Variants in GALNTL6 observed in about 807,000 individuals in gnomAD.
GALNTL6 encodes polypeptide N-acetylgalactosaminyltransferase-like 6.
A neutral mutation model predicts 73.7 loss-of-function variants in GALNTL6; 46 were observed. The ratio of observed to expected loss-of-function variants is 0.62; its 90% CI spans 0.49 to 0.80. The LOEUF is 0.80. GALNTL6 is among the 30% of genes least tolerant of loss of function. The pLI, the probability that GALNTL6 is intolerant of heterozygous loss-of-function variation, is 0.00. For synonymous variants in GALNTL6, 259 were observed against 263.7 expected, an observed-to-expected ratio of 0.98 and a Z score of 0.17; for missense variants, 604 against 755.0, an observed-to-expected ratio of 0.80 and a Z score of 2.34.
intron 2 of GALNTL6, among the ~76,000 whole-genome samples, chr4:172,177,791 A>ATATATATACACACACATATATGTGTG (rs1735075961): frequency 2.0e-5 from 2 of 101,738 alleles, no homozygotes; most frequent in Non-Finnish European, 4.2e-5. Context: ...ACACATGTGT[A>ATATATATACACACACATATATGTGTG]TATATATACA....
chr4:172,199,716 AATAG>A (rs1222714894), intron 2 of GALNTL6, among the ~76,000 whole-genome samples: 9 of 152,058 alleles, frequency 5.9e-5, no homozygotes, highest in Non-Finnish European at 1.0e-4. Context: ...ACTCCTGGTA[AATAG>A]ATCATATTTA....
At chr4:172,321,083 T>G in intron 4 of GALNTL6, among the ~76,000 whole-genome samples, 1 of 152,216 alleles carries the variant, frequency 6.6e-6, no homozygotes, top group East Asian at 1.9e-4. Context: ...TTGTTTGATT[T>G]TATTATTGTT....
chr4:172,728,245 A>G (rs1438766819), intron 5 of GALNTL6, among the ~76,000 whole-genome samples: 1 of 152,126 alleles, frequency 6.6e-6, no homozygotes, highest in African/African-American at 2.4e-5. Context: ...AAATACATTT[A>G]TATCCTTCTT....
At chr4:172,646,250 T>C (rs1397650834) in intron 5 of GALNTL6, among the ~76,000 whole-genome samples, 1 of 152,078 alleles carries the variant, frequency 6.6e-6, no homozygotes, top group Non-Finnish European at 1.5e-5. Context: ...TAGAAAAGAT[T>C]GGGGTTTTGA....
chr4:172,627,030 A>G (rs1189642412), intron 5 of GALNTL6, among the ~76,000 whole-genome samples: 3 of 152,086 alleles, frequency 2.0e-5, no homozygotes, highest in African/African-American at 7.2e-5. Context: ...TTTCAATGCT[A>G]TCTTGAATAG....
At chr4:172,730,025 T>C (rs1223228066) in intron 5 of GALNTL6, among the ~76,000 whole-genome samples, 2 of 152,174 alleles carry the variant, frequency 1.3e-5, no homozygotes, top group Non-Finnish European at 2.9e-5. Context: ...TGATTTCTTT[T>C]TCAGATTGTT....
intron 7 of GALNTL6, among the ~76,000 whole-genome samples, chr4:172,853,619 A>G (rs552318701): frequency 1.3e-5 from 2 of 152,174 alleles, no homozygotes; most frequent in Admixed American, 1.3e-4. Context: ...TTCCCCAACA[A>G]CCCATTCACT....
chr4:171,982,531 C>G (rs1233200241), intron 2 of GALNTL6, among the ~76,000 whole-genome samples: 1 of 152,026 alleles, frequency 6.6e-6, no homozygotes, highest in Non-Finnish European at 1.5e-5. Context: ...ATCTCCTGAC[C>G]TCGTGATTCG....
chr4:172,875,911 T>G (rs1258242847), intron 7 of GALNTL6, among the ~76,000 whole-genome samples: 1 of 152,218 alleles, frequency 6.6e-6, no homozygotes, highest in Non-Finnish European at 1.5e-5. Flanking sequence ...ATTGTTGATG[T>G]AGGCCTTTGG....
chr4:172,983,563 C>T (rs922589566), intron 10 of GALNTL6, among the ~76,000 whole-genome samples: 7 of 152,122 alleles, frequency 4.6e-5, no homozygotes, highest in African/African-American at 1.7e-4. Flanking sequence ...GGCGTGGTGG[C>T]ACATGCCTGT....
At position 171,892,032 on chromosome 4, in the gene GALNTL6, C is replaced by A. The variant is rs567883449; in HGVS notation, c.138+77314C>A. Among the ~76,000 whole-genome samples, 46 of 152,272 alleles carry A rather than the reference C, an allele frequency of 3.0e-4. No individual in the cohort carries two copies. The South Asian group carries it at 9.5e-3, about 32-fold the overall frequency. On this transcript the variant is annotated intron_variant, in intron 2 of 12. Transcript: ENST00000506823. Reference sequence around the variant, plus strand: ...CACAAGTGGAAAATTCCACACCTAACCTCATGTGACAGATAACAGTCAAAT... The same window carrying A: ...CACAAGTGGAAAATTCCACACCTAAACTCATGTGACAGATAACAGTCAAAT...
At chr4:172,396,138 C>T (rs558675734) in intron 5 of GALNTL6, among the ~76,000 whole-genome samples, 25 of 152,154 alleles carry the variant, frequency 1.6e-4, no homozygotes, top group African/African-American at 5.8e-4. Flanking sequence ...TACATTTTTC[C>T]TTATAATAAC....
chr4:171,975,801 T>A (rs1315250499), intron 2 of GALNTL6, among the ~76,000 whole-genome samples: 2 of 151,910 alleles, frequency 1.3e-5, no homozygotes, highest in Non-Finnish European at 2.9e-5. Flanking sequence ...ACTAAAATTA[T>A]TATATCTCAA....
intron 5 of GALNTL6, among the ~76,000 whole-genome samples, chr4:172,516,713 C>A (rs1182908995): frequency 6.6e-6 from 1 of 152,060 alleles, no homozygotes; most frequent in Non-Finnish European, 1.5e-5. Context: ...AAAGCAGGAT[C>A]TCAAAAAGAT....
In GALNTL6 at chr4:172,952,129, C is replaced by T; in HGVS notation, c.1242C>T (p.Asp414=). 1 of 1,614,010 alleles carries T rather than the reference C, an allele frequency of 6.2e-7. No homozygotes were observed. Among genetic ancestry groups the T allele is most frequent in the Non-Finnish European group, 8.5e-7 (1 of 1,179,944 alleles). The change falls in exon 10 of 13, where the codon GAC becomes GAT. Residue 414 remains aspartate, a synonymous_variant. Transcript: ENST00000506823. ...AGTACAGGCATCTCTCCACGGGGGACATCTCTGCCCAGAAGGAGCTGCGCA... is the reference window on the plus strand; with the variant it reads ...AGTACAGGCATCTCTCCACGGGGGATATCTCTGCCCAGAAGGAGCTGCGCA... ...RPEYRHLSTG[D]ISAQKELRKQ... is the part of the protein sequence containing the mutation.
At chr4:172,682,465 T>A (rs564814762) in intron 5 of GALNTL6, among the ~76,000 whole-genome samples, 1 of 152,176 alleles carries the variant, frequency 6.6e-6, no homozygotes, top group African/African-American at 2.4e-5. Context: ...AAAATAGTAA[T>A]GTGTCTGTAA....
At chr4:172,794,886 C>A (rs775485470) in intron 5 of GALNTL6, among the ~76,000 whole-genome samples, 19 of 152,198 alleles carry the variant, frequency 1.2e-4, no homozygotes, top group Non-Finnish European at 2.5e-4. Flanking sequence ...TAAACGAGAG[C>A]TGTTTCTTGG....
chr4:172,998,013 C>T (rs1751874182), intron 10 of GALNTL6, among the ~76,000 whole-genome samples: 1 of 152,210 alleles, frequency 6.6e-6, no homozygotes, highest in Non-Finnish European at 1.5e-5. Context: ...GTGGGCTCTT[C>T]TTTCTCTTGC....
At chr4:172,658,010 C>T (rs554530670) in intron 5 of GALNTL6, among the ~76,000 whole-genome samples, 8 of 147,024 alleles carry the variant, frequency 5.4e-5, no homozygotes, top group African/African-American at 7.6e-5. Context: ...ATTAGCCGGG[C>T]GTAGTGGCGG....
Sources: gnomAD v4.1 joint callset for allele counts (sites outside exome capture counted in the v4.1 genomes callset) on GRCh38, gnomAD v4.1.1 for gene constraint, MANE v1.5 for transcripts, NCBI Gene and HGNC (gene_info 2026-07-23, HGNC 2026-07-21) for gene names.